The following SLIT2 variants were observed in gnomAD, a reference collection of about 807,000 sequenced individuals.
SLIT2 encodes the protein slit guidance ligand 2, also known as slit homolog 2 protein.
SLIT2 carries 41 observed loss-of-function variants against 185.7 expected under a neutral mutation model. That is an observed-to-expected ratio of 0.22 (90% CI 0.17 to 0.29). SLIT2 has a LOEUF of 0.29. Among genes scored for constraint, SLIT2 ranks in the 10% least tolerant of loss-of-function variants. The probability of loss-of-function intolerance (pLI) is 1.00; values close to 1 mark genes in which losing one functional copy is unlikely to be tolerated. For missense variants in SLIT2, 1,571 were observed against 1,909.0 expected (o/e 0.82, Z 3.30); for synonymous variants, 693 against 680.2 (o/e 1.02, Z -0.29).
At chr4:20,270,845 C>T (rs777370378) in intron 4 of SLIT2, among the ~76,000 whole-genome samples, 2 of 152,034 alleles carry the variant, frequency 1.3e-5, no homozygotes, top group East Asian at 1.9e-4. Context: ...TGCATCCTCA[C>T]GTCAGGAATC....
chr4:20,382,499 TA>T (rs1272939698), intron 4 of SLIT2, among the ~76,000 whole-genome samples: 1 of 152,150 alleles, frequency 6.6e-6, no homozygotes, highest in African/African-American at 2.4e-5. Flanking sequence ...GATTAATGTA[TA>T]AAAAATATAT....
chr4:20,549,656 A>T (rs985229156), intron 24 of SLIT2, among the ~76,000 whole-genome samples: 1 of 151,836 alleles, frequency 6.6e-6, no homozygotes, highest in African/African-American at 2.4e-5. Flanking sequence ...AAAGCCACAG[A>T]TATTAATAGG....
intron 3 of SLIT2, among the ~76,000 whole-genome samples, chr4:20,262,514 A>G (rs1712586264): frequency 6.6e-6 from 1 of 151,888 alleles, no homozygotes; most frequent in Non-Finnish European, 1.5e-5. Context: ...TTCTTAACAG[A>G]ATGACAGTCT....
intron 29 of SLIT2, among the ~76,000 whole-genome samples, chr4:20,569,496 T>A (rs532853107): frequency 6.6e-6 from 1 of 152,108 alleles, no homozygotes. Flanking sequence ...GATAGTCTTA[T>A]AAGACTATCA....
intron 4 of SLIT2, among the ~76,000 whole-genome samples, chr4:20,273,333 T>G (rs536006179): frequency 1.1e-4 from 17 of 152,216 alleles, no homozygotes; most frequent in African/African-American, 3.8e-4. Flanking sequence ...TACTTATCAA[T>G]TATTATCTTA....
chr4:20,443,634 A>T (rs1729941044), intron 4 of SLIT2, among the ~76,000 whole-genome samples: 1 of 150,600 alleles, frequency 6.6e-6, no homozygotes, highest in Admixed American at 6.6e-5. Context: ...TAGACCAGGA[A>T]TGGCTTTATA....
At position 20,254,040 on chromosome 4, in the gene SLIT2, C is replaced by T. The variant is rs1040804397; in HGVS notation, c.179+46C>T. 4 of 1,565,864 alleles carry T rather than the reference C, an allele frequency of 2.6e-6. No individual in the cohort carries two copies. Among genetic ancestry groups the T allele is most frequent in the Admixed American group, 3.4e-5 (2 of 58,486 alleles). On this transcript the variant is annotated intron_variant, in intron 1 of 36. Coordinates refer to ENST00000504154, the MANE Select transcript of SLIT2 (RefSeq NM_004787.4). The surrounding 1 kb of genome is among the most constrained non-coding windows in gnomAD (Gnocchi z 5.1). The stretch of plus-strand genomic sequence containing the variant: ...TTCCCCTCTCCCCATCCGGGCCGCG[C>T]ACCCCTGCCTCCACTGGAGGAACCT...
chr4:20,331,363 G>T (rs1316645809), intron 4 of SLIT2, among the ~76,000 whole-genome samples: 1 of 152,060 alleles, frequency 6.6e-6, no homozygotes, highest in East Asian at 1.9e-4. Flanking sequence ...GTTATTGATT[G>T]ATCTTCAGGA....
intron 1 of SLIT2, chr4:20,255,098 C>T (rs1386826214): frequency 6.6e-6 from 3 of 455,426 alleles, no homozygotes; most frequent in Non-Finnish European, 1.3e-5. Context: ...CTCGCGGTTG[C>T]GTGTGGGCCG....
intron 4 of SLIT2, among the ~76,000 whole-genome samples, chr4:20,288,574 T>G (rs576129742): frequency 1.3e-5 from 2 of 152,346 alleles, no homozygotes; most frequent in South Asian, 4.1e-4. Context: ...CCCTTCACTT[T>G]TAAGGTATTC....
At position 20,425,893 on chromosome 4, in the gene SLIT2, C is replaced by G. The variant is rs563044067; in HGVS notation, c.396-41859C>G. Among the ~76,000 whole-genome samples, 183 of 152,164 alleles carry G rather than the reference C, an allele frequency of 1.2e-3. 1 individual carries two copies. Among genetic ancestry groups the G allele is most frequent in the Non-Finnish European group, 2.4e-3 (162 of 68,040 alleles). On this transcript the variant is annotated intron_variant, in intron 4 of 36. Transcript: ENST00000504154. ...TTCATATGTCCCTTTCTCTGCCTGC[C>G]TCTCCCTCCTATGCCAATCCTTTGT...
intron 6 of SLIT2, among the ~76,000 whole-genome samples, chr4:20,481,794 G>A (rs1442361209): frequency 6.6e-6 from 1 of 151,836 alleles, no homozygotes; most frequent in Non-Finnish European, 1.5e-5. Context: ...ATTTTTATAT[G>A]GTTTTGGTTT....
At chr4:20,478,066 A>G (rs1286277022) in intron 5 of SLIT2, among the ~76,000 whole-genome samples, 3 of 152,176 alleles carry the variant, frequency 2.0e-5, no homozygotes, top group Non-Finnish European at 2.9e-5. Context: ...GACACTGTTT[A>G]TCTTGAACCA....
At chr4:20,448,035 C>G (rs1394347224) in intron 4 of SLIT2, among the ~76,000 whole-genome samples, 2 of 152,088 alleles carry the variant, frequency 1.3e-5, no homozygotes, top group Non-Finnish European at 2.9e-5. Context: ...AGGATTTTAC[C>G]AAGCTTGTAT....
rs556450472 is a variant in SLIT2 at position 20,360,684 on chromosome 4, C to G, written c.395+91803C>G. Among the ~76,000 whole-genome samples, 5 of 152,002 alleles carry G rather than the reference C, an allele frequency of 3.3e-5. No individual in the cohort carries two copies. The East Asian group carries it at 9.7e-4, about 29-fold the overall frequency. ...AAAAATATATGTGATTAAATTAAAA[C>G]CAGGATTTGTGGGGTGGCTGAATTA... is the stretch of plus-strand genomic sequence containing the variant. On this transcript the variant is annotated intron_variant, in intron 4 of 36. Coordinates refer to ENST00000504154, the MANE Select transcript of SLIT2 (RefSeq NM_004787.4).
intron 4 of SLIT2, among the ~76,000 whole-genome samples, chr4:20,364,448 T>A (rs1722960227): frequency 6.6e-6 from 1 of 152,162 alleles, no homozygotes. Context: ...AATCTAAAGA[T>A]ATCAAATAAA....
intron 4 of SLIT2, among the ~76,000 whole-genome samples, chr4:20,283,760 A>G (rs1435040892): frequency 6.6e-6 from 1 of 152,224 alleles, no homozygotes; most frequent in African/African-American, 2.4e-5. Flanking sequence ...GATATTAAAT[A>G]AACAATATAA....
intron 5 of SLIT2, among the ~76,000 whole-genome samples, chr4:20,472,939 G>A (rs28676355): frequency 1.1e-3 from 164 of 151,430 alleles, no homozygotes; most frequent in African/African-American, 3.7e-3. Context: ...AAGAAAAAAG[G>A]TACAAATATA....
chr4:20,349,239 G>A (rs1476347022), intron 4 of SLIT2, among the ~76,000 whole-genome samples: 1 of 152,166 alleles, frequency 6.6e-6, no homozygotes, highest in Non-Finnish European at 1.5e-5. Flanking sequence ...TCCAAATGAT[G>A]TAAGATTTAC....
Sources: allele counts gnomAD v4.1 joint callset (sites outside exome capture counted in the v4.1 genomes callset), GRCh38; gene constraint gnomAD v4.1.1; non-coding constraint Gnocchi (gnomAD v3.1); transcripts MANE v1.5; gene names NCBI Gene and HGNC (gene_info 2026-07-23, HGNC 2026-07-21).